The following GALNT13 variants were observed in gnomAD, a reference collection of about 807,000 sequenced individuals.
GALNT13 encodes the protein polypeptide N-acetylgalactosaminyltransferase 13, also known as UDP-GalNAc:polypeptide N-acetylgalactosaminyltransferase 13.
GALNT13 carries 28 observed loss-of-function variants against 64.2 expected under a neutral mutation model. The observed-to-expected ratio is 0.44, with a 90% CI of 0.32 to 0.60. The LOEUF is 0.60. GALNT13 is among the 20% of genes least tolerant of loss of function. GALNT13 has a pLI of 0.05. For synonymous variants in GALNT13, 214 were observed against 224.6 expected, an observed-to-expected ratio of 0.95 and a Z score of 0.42; for missense variants, 577 against 669.8, an observed-to-expected ratio of 0.86 and a Z score of 1.53.
Position 154,259,025 on chromosome 2 carries a change from C to T in GALNT13, c.862C>T (p.Pro288Ser), listed in dbSNP as rs1159865200. ...TTTTTGTTTTTTTTCAACTAGGACC[C>T]CTACTATGGCTGGTGGCCTATTTTC... ...KGDRTLPVRT[P>S]TMAGGLFSID... is the part of the protein sequence containing the mutation. The change falls in exon 8 of 13, where the codon CCT becomes TCT. Residue 288 changes from proline (P) to serine (S), a missense_variant. Coordinates refer to ENST00000392825, the MANE Select transcript of GALNT13 (RefSeq NM_052917.4). The T allele has an allele frequency of 1.9e-6, 3 of 1,555,524 alleles. No individual in the cohort carries two copies. Among genetic ancestry groups the T allele is most frequent in the Non-Finnish European group, 2.7e-6 (3 of 1,129,062 alleles).
At chr2:153,874,930 A>C (rs1337536290) in intron 1 of GALNT13, among the ~76,000 whole-genome samples, 1 of 152,118 alleles carries the variant, frequency 6.6e-6, no homozygotes, top group Non-Finnish European at 1.5e-5. Flanking sequence ...TCCTTACCTG[A>C]AAGTAAGTTG....
intron 11 of GALNT13, among the ~76,000 whole-genome samples, chr2:154,418,180 A>G (rs1002736374): frequency 6.6e-5 from 10 of 152,192 alleles, no homozygotes; most frequent in Admixed American, 6.6e-4. Flanking sequence ...AGAGCCTGTT[A>G]TCATAAAAAT....
chr2:154,425,983 A>C (rs1700451206), intron 11 of GALNT13, among the ~76,000 whole-genome samples: 1 of 152,190 alleles, frequency 6.6e-6, no homozygotes, highest in Non-Finnish European at 1.5e-5. Context: ...AAATTACTAC[A>C]AATTTAGTGG....
the GALNT13 span, among the ~76,000 whole-genome samples, chr2:153,538,637 C>T: frequency 1.8e-5 from 1 of 55,256 alleles, no homozygotes; most frequent in South Asian, 7.5e-4. Flanking sequence ...TGAGAATATG[C>T]AGTGTTTGGT....
At chr2:153,917,673 C>T (rs576479205) in intron 2 of GALNT13, among the ~76,000 whole-genome samples, 1 of 152,032 alleles carries the variant, frequency 6.6e-6, no homozygotes, top group Non-Finnish European at 1.5e-5. Context: ...AAATTCTATC[C>T]AAATCTCCCA....
At chr2:153,643,019 A>G in the GALNT13 span, among the ~76,000 whole-genome samples, 1 of 151,576 alleles carries the variant, frequency 6.6e-6, no homozygotes, top group Non-Finnish European at 1.5e-5. Context: ...TTTAAATGCC[A>G]CTTAATATAA....
chr2:154,083,764 T>C (rs961969410), intron 3 of GALNT13, among the ~76,000 whole-genome samples: 13 of 151,844 alleles, frequency 8.6e-5, no homozygotes, highest in Admixed American at 3.3e-4. Context: ...GACCTTTCCT[T>C]TTATGTGACA....
At chr2:153,589,037 C>T in the GALNT13 span, among the ~76,000 whole-genome samples, 12 of 152,086 alleles carry the variant, frequency 7.9e-5, no homozygotes, top group South Asian at 6.2e-4. Flanking sequence ...CTGTAATCCC[C>T]GCTACTCGGG....
the GALNT13 span, among the ~76,000 whole-genome samples, chr2:153,091,854 C>G: frequency 6.6e-6 from 1 of 152,118 alleles, no homozygotes; most frequent in South Asian, 2.1e-4. Flanking sequence ...TGATGTGATC[C>G]CGTTTGTCCA....
chr2:154,180,585 C>T lies in GALNT13; in HGVS notation c.311+40080C>T, dbSNP rs542452074. ...CATTTTGGAAACTTTTTTAAAAATC[C>T]ACAACCATGTATAAGAATTCTAAAA... On this transcript the variant is annotated intron_variant, in intron 4 of 12. Transcript: ENST00000392825. 3.1e-3 allele frequency among the ~76,000 whole-genome samples: 468 copies of T among 151,838 alleles called. 4 individuals carry two copies. The highest frequency in any genetic ancestry group is 0.011 in the African/African-American group (458 of 41,448).
At chr2:153,136,895 G>T in the GALNT13 span, among the ~76,000 whole-genome samples, 1 of 125,316 alleles carries the variant, frequency 8.0e-6, no homozygotes, top group Admixed American at 9.0e-5. Context: ...TTCTAGAACA[G>T]TGAGGAATGA....
intron 8 of GALNT13, among the ~76,000 whole-genome samples, chr2:154,261,549 A>G (rs1413196160): frequency 6.6e-6 from 1 of 152,174 alleles, no homozygotes; most frequent in African/African-American, 2.4e-5. Context: ...TGATGAAATG[A>G]GAATATGTTG....
At chr2:153,593,444 G>A in the GALNT13 span, among the ~76,000 whole-genome samples, 10 of 152,238 alleles carry the variant, frequency 6.6e-5, no homozygotes, top group Non-Finnish European at 1.3e-4. Flanking sequence ...AGTAGCGTGT[G>A]AGCTCAGACA....
chr2:154,186,407 G>T (rs527632085), intron 4 of GALNT13, among the ~76,000 whole-genome samples: 2 of 151,992 alleles, frequency 1.3e-5, no homozygotes, highest in East Asian at 1.9e-4. Context: ...CATGCTCTCC[G>T]TTTCATCTCA....
chr2:154,270,770 G>A (rs576616672), intron 8 of GALNT13, among the ~76,000 whole-genome samples: 1 of 151,908 alleles, frequency 6.6e-6, no homozygotes, highest in Admixed American at 6.6e-5. Context: ...ACACAAAGCA[G>A]TTGATATGTT....
intron 3 of GALNT13, among the ~76,000 whole-genome samples, chr2:154,132,509 A>G (rs1329983596): frequency 2.0e-5 from 3 of 152,118 alleles, no homozygotes; most frequent in East Asian, 1.9e-4. Context: ...AGTACTGTAT[A>G]TAAGATATTT....
chr2:153,980,585 A>G (rs1323651465), intron 3 of GALNT13, among the ~76,000 whole-genome samples: 2 of 152,160 alleles, frequency 1.3e-5, no homozygotes, highest in Non-Finnish European at 2.9e-5. Flanking sequence ...TTAGTCTTGG[A>G]TAGGTTGCAC....
At chr2:154,081,515 A>G (rs1701270036) in intron 3 of GALNT13, among the ~76,000 whole-genome samples, 1 of 151,638 alleles carries the variant, frequency 6.6e-6, no homozygotes, top group Non-Finnish European at 1.5e-5. Flanking sequence ...GTGACAGTAG[A>G]AAACTGGGCC....
the GALNT13 span, among the ~76,000 whole-genome samples, chr2:153,840,506 C>T: frequency 6.6e-6 from 1 of 152,020 alleles, no homozygotes; most frequent in South Asian, 2.1e-4. Flanking sequence ...CCACAAAATT[C>T]TGAGCTCCTT....
Sources: allele counts gnomAD v4.1 joint callset (sites outside exome capture counted in the v4.1 genomes callset), GRCh38; gene constraint gnomAD v4.1.1; transcripts MANE v1.5; gene names NCBI Gene and HGNC (gene_info 2026-07-23, HGNC 2026-07-21).